Variants in CD59 observed in about 807,000 individuals in gnomAD.
CD59 encodes the protein CD59 molecule (CD59 blood group).
A neutral mutation model predicts 7.0 loss-of-function variants in CD59; 3 were observed. The ratio of observed to expected loss-of-function variants is 0.43; its 90% CI spans 0.19 to 1.10. The LOEUF (loss-of-function observed/expected upper bound fraction) is 1.10. CD59 is among the 50% of genes least tolerant of loss of function. The pLI, the probability that CD59 is intolerant of heterozygous loss-of-function variation, is 0.29. For missense variants in CD59, 143 were observed against 151.0 expected (o/e 0.95, Z 0.28); for synonymous variants, 60 against 62.0 (o/e 0.97, Z 0.15).
At chr11:33,726,361 T>G (rs953610398) in intron 1 of CD59, among the ~76,000 whole-genome samples, 4 of 152,134 alleles carry the variant, frequency 2.6e-5, no homozygotes, top group Non-Finnish European at 5.9e-5. Flanking sequence ...AAATTAGAAC[T>G]CAGGATTAAG....
intron 3 of CD59, among the ~76,000 whole-genome samples, chr11:33,710,579 G>A (rs951248154): frequency 3.9e-5 from 6 of 152,150 alleles, no homozygotes; most frequent in Non-Finnish European, 1.5e-5. Flanking sequence ...GGGGTGGGAC[G>A]GAGGAGGAAC....
At chr11:33,710,567 T>C (rs973814337) in intron 3 of CD59, among the ~76,000 whole-genome samples, 1 of 152,128 alleles carries the variant, frequency 6.6e-6, no homozygotes, top group African/African-American at 2.4e-5. Context: ...AGTATAGTTA[T>C]GGGGGTGGGA....
At position 33,722,749 on chromosome 11, in the gene CD59, C is replaced by T. The variant is rs547186833; in HGVS notation, c.-18-286G>A. 13 of 1,169,008 alleles carry T rather than the reference C, an allele frequency of 1.1e-5. No individual in the cohort carries two copies. In the East Asian group the frequency reaches 5.1e-4, roughly 46 times the overall value. 72.4% of individuals were successfully genotyped at this position (1,169,008 alleles called of 1,614,324 possible). On this transcript the variant is annotated intron_variant, in intron 1 of 3. Coordinates refer to ENST00000642928, the MANE Select transcript of CD59 (RefSeq NM_000611.6). ...AAATGACAATATGAGCAAATTGACT[C>T]ATATAGCCACTGTGGTTCCCACTCT...
chr11:33,726,009 A>G (rs1222404357), intron 1 of CD59, among the ~76,000 whole-genome samples: 1 of 152,234 alleles, frequency 6.6e-6, no homozygotes, highest in African/African-American at 2.4e-5. Flanking sequence ...CACCCAACAC[A>G]GGAGCACCTA....
In CD59 at chr11:33,709,315, G is replaced by A. The variant is rs1410887919; in HGVS notation, c.*811C>T. 1 of 152,734 alleles carries A rather than the reference G, an allele frequency of 6.5e-6. No individual in the cohort carries two copies. Among genetic ancestry groups the A allele is most frequent in the Non-Finnish European group, 1.5e-5 (1 of 68,530 alleles). 9.5% of individuals were successfully genotyped at this position (152,734 alleles called of 1,614,324 possible). ...ACATACCTGAACTGCCTTTCTACCAGTAACATTTAAAATAAGCACACTTAA... is the reference window on the plus strand; with the variant it reads ...ACATACCTGAACTGCCTTTCTACCAATAACATTTAAAATAAGCACACTTAA... On this transcript the variant is annotated 3_prime_UTR_variant, in exon 4 of 4. Transcript: ENST00000642928.
intron 1 of CD59, among the ~76,000 whole-genome samples, chr11:33,726,999 C>G (rs969139268): frequency 1.3e-5 from 2 of 152,108 alleles, no homozygotes; most frequent in Admixed American, 6.5e-5. Context: ...CTGAACAGAC[C>G]AATAACAGGT....
intron 2 of CD59, chr11:33,718,014 T>C: frequency 5.6e-6 from 1 of 179,984 alleles, no homozygotes; most frequent in Non-Finnish European, 1.2e-5. Context: ...CAAATGGTTA[T>C]CCCCCTAAAA....
chr11:33,722,337 C>A (rs761629619), intron 2 of CD59, 42 bp downstream of exon 2: 17 of 1,458,010 alleles, frequency 1.2e-5, no homozygotes, highest in Admixed American at 1.7e-5. Context: ...GAGTTCATGG[C>A]CAAGGCAGCC....
intron 2 of CD59, among the ~76,000 whole-genome samples, chr11:33,721,180 C>T (rs1335127977): frequency 6.6e-6 from 1 of 152,176 alleles, no homozygotes; most frequent in Non-Finnish European, 1.5e-5. Context: ...CATTACAGTG[C>T]ACCCTGGCTA....
intron 2 of CD59, among the ~76,000 whole-genome samples, chr11:33,722,062 C>A (rs1288649293): frequency 6.6e-6 from 1 of 152,108 alleles, no homozygotes; most frequent in Non-Finnish European, 1.5e-5. Flanking sequence ...ACTTGCACAG[C>A]ACTCTAAGAA....
intron 1 of CD59, among the ~76,000 whole-genome samples, chr11:33,734,877 G>T (rs1027028544): frequency 6.6e-6 from 1 of 152,158 alleles, no homozygotes; most frequent in Non-Finnish European, 1.5e-5. Flanking sequence ...TCTACCAGCA[G>T]CTGTCAAAGA....
intron 1 of CD59, among the ~76,000 whole-genome samples, chr11:33,733,858 G>T (rs1229575376): frequency 6.6e-6 from 1 of 152,274 alleles, no homozygotes; most frequent in East Asian, 1.9e-4. Flanking sequence ...CATGAGTATG[G>T]TTACTCCTCC....
rs192111748 is a variant in CD59 at position 33,710,121 on chromosome 11, T to C, written c.*5A>G. ...GAGTTTGGGAGAAGCTCTCCTGGTGTTGACTTAGGGATGAAGGCTCCAGGC... is the reference window on the plus strand; with the variant it reads ...GAGTTTGGGAGAAGCTCTCCTGGTGCTGACTTAGGGATGAAGGCTCCAGGC... On this transcript the variant is annotated 3_prime_UTR_variant, in exon 4 of 4. Coordinates refer to ENST00000642928, the MANE Select transcript of CD59 (RefSeq NM_000611.6). 5.2e-5 allele frequency: 83 copies of C among 1,608,554 alleles called. No homozygotes were observed. In the African/African-American group the frequency reaches 8.4e-4, roughly 16 times the overall value.
chr11:33,726,982 C>A (rs991833907), intron 1 of CD59, among the ~76,000 whole-genome samples: 6 of 152,000 alleles, frequency 3.9e-5, no homozygotes, highest in African/African-American at 1.2e-4. Context: ...AGGAAGAAGT[C>A]GAATCTCTGA....
At chr11:33,732,359 T>C (rs1190334996) in intron 1 of CD59, among the ~76,000 whole-genome samples, 2 of 152,160 alleles carry the variant, frequency 1.3e-5, no homozygotes, top group Non-Finnish European at 1.5e-5. Flanking sequence ...AATCTGGTTG[T>C]TTGAAAGTGT....
chr11:33,703,032 G>A lies in CD59; in HGVS notation c.*7094C>T, dbSNP rs538098805. 3.9e-5 allele frequency: 6 copies of A among 152,166 alleles called. No individual in the cohort carries two copies. The highest frequency in any genetic ancestry group is 2.1e-4 in the South Asian group (1 of 4,846). The allele number at this position is 152,166 out of a possible 1,614,324, so 9.4% of individuals were successfully genotyped here. ...CCCTTAGAAGGAAAAGAGATTTTGC[G>A]TTATATTTTTTAAATGAAGCAATAC... is the stretch of plus-strand genomic sequence containing the variant. On this transcript the variant is annotated 3_prime_UTR_variant, in exon 4 of 4. Coordinates refer to ENST00000642928, the MANE Select transcript of CD59 (RefSeq NM_000611.6).
Position 33,710,247 on chromosome 11 carries a change from CAGCAGTAGTACGT to C in CD59, c.253_265del (p.Thr85AlafsTer28). The C allele has an allele frequency of 1.2e-6, 2 of 1,614,152 alleles. No individual in the cohort carries two copies. The highest frequency in any genetic ancestry group is 1.7e-6 in the Non-Finnish European group (2 of 1,180,002). On this transcript the variant is annotated frameshift_variant, in exon 4 of 4. Coordinates refer to ENST00000642928, the MANE Select transcript of CD59 (RefSeq NM_000611.6). LOFTEE classifies it low-confidence loss of function (END_TRUNC). The stretch of plus-strand genomic sequence containing the variant: ...GTTAAAGTTACACAGGTCCTTCTTG[CAGCAGTAGTACGT>C]TAGCTCATTTTCCCTCAAGCGGGTT...
intron 3 of CD59, chr11:33,711,245 T>G: frequency 1.7e-6 from 1 of 579,030 alleles, no homozygotes; most frequent in Non-Finnish European, 3.0e-6. Flanking sequence ...GATGGGAGAA[T>G]TGTTTGAGGC....
At position 33,711,417 on chromosome 11, in the gene CD59, T is replaced by C. The variant is rs1484259659; in HGVS notation, c.170-1074A>G. The C allele has an allele frequency of 1.3e-5, 9 of 701,524 alleles. No homozygotes were observed. The Admixed American group carries it at 1.8e-4, about 14-fold the overall frequency. The allele number at this position is 701,524 out of a possible 1,614,324, so 43.5% of individuals were successfully genotyped here. ...AATATGGACAATGAGGCCAGTGTGATGGCTCACACCTGTAATCCCAGCACT... is the reference window on the plus strand; with the variant it reads ...AATATGGACAATGAGGCCAGTGTGACGGCTCACACCTGTAATCCCAGCACT... On this transcript the variant is annotated intron_variant, in intron 3 of 3. Transcript: ENST00000642928.
Sources: gnomAD v4.1 joint callset for allele counts (sites outside exome capture counted in the v4.1 genomes callset) on GRCh38, gnomAD v4.1.1 for gene constraint, MANE v1.5 for transcripts, NCBI Gene and HGNC (gene_info 2026-07-23, HGNC 2026-07-21) for gene names.